The following AP4E1 variants were observed in gnomAD, a reference collection of about 807,000 sequenced individuals.
The protein encoded by AP4E1 is AP-4 complex subunit epsilon-1.
In AP4E1, 56 loss-of-function variants were observed where a neutral mutation model predicts 128.2. The ratio of observed to expected loss-of-function variants is 0.44; its 90% CI spans 0.35 to 0.55. The LOEUF (loss-of-function observed/expected upper bound fraction) is 0.55, where lower values mean the gene tolerates loss of function less well. Among genes scored for constraint, AP4E1 ranks in the 20% least tolerant of loss-of-function variants. The pLI is 0.00. For missense variants in AP4E1, 1,324 were observed against 1,307.7 expected (o/e 1.01, Z -0.19); for synonymous variants, 484 against 473.1 (o/e 1.02, Z -0.30).
At chr15:50,921,191 C>T (rs1199123010) in intron 3 of AP4E1, among the ~76,000 whole-genome samples, 4 of 151,376 alleles carry the variant, frequency 2.6e-5, no homozygotes, top group Admixed American at 2.0e-4. Flanking sequence ...GGTCTTGCTA[C>T]GTTAGCCAGG....
intron 7 of AP4E1, among the ~76,000 whole-genome samples, chr15:50,931,491 A>C (rs1475048566): frequency 6.6e-6 from 1 of 152,134 alleles, no homozygotes; most frequent in East Asian, 1.9e-4. Flanking sequence ...ACTTGAACCC[A>C]GGAGGTGTAG....
Position 50,925,037 on chromosome 15 carries a change from A to G in AP4E1, c.421-61A>G, listed in dbSNP as rs571805160. On this transcript the variant is annotated intron_variant, in intron 4 of 20. Transcript: ENST00000261842. ...GTATATAGGACCATTACAGTGTTGA[A>G]TTTGCCATTCCTAGTTTCAGTATTT... The G allele has an allele frequency of 1.0e-5, 16 of 1,603,210 alleles. No individual in the cohort carries two copies. In the East Asian group the frequency reaches 3.6e-4, roughly 36 times the overall value.
intron 14 of AP4E1, 83 bp from the exon 15 acceptor site, chr15:50,968,180 T>C (rs779752498): frequency 2.6e-5 from 24 of 938,014 alleles, no homozygotes; most frequent in Admixed American, 9.4e-5. Flanking sequence ...AAAATATATA[T>C]GGGCTGAAAT....
intron 14 of AP4E1, among the ~76,000 whole-genome samples, chr15:50,964,164 T>A (rs2064356234): frequency 6.6e-6 from 1 of 152,240 alleles, no homozygotes; most frequent in African/African-American, 2.4e-5. Context: ...TGTTGTCTCA[T>A]ATGTCATGTA....
chr15:50,917,513 A>G (rs1264105744), intron 3 of AP4E1, among the ~76,000 whole-genome samples: 3 of 152,094 alleles, frequency 2.0e-5, no homozygotes, highest in African/African-American at 4.8e-5. Context: ...AGAGGTATCT[A>G]TTTTGTTAAA....
intron 8 of AP4E1, among the ~76,000 whole-genome samples, chr15:50,940,710 A>G (rs1443344450): frequency 1.3e-5 from 2 of 152,082 alleles, no homozygotes; most frequent in African/African-American, 2.4e-5. Context: ...CAACCGCATG[A>G]CTCATGCTTT....
rs375161140 is a variant in AP4E1 at position 50,911,213 on chromosome 15, G to C, written c.151-865G>C. Among the ~76,000 whole-genome samples the C allele has an allele frequency of 1.0e-3, 156 of 152,230 alleles. 4 individuals are homozygous for C. The South Asian group carries it at 0.031, about 31-fold the overall frequency. Reference sequence around the variant, plus strand: ...AAAAAATGGGGCCAATTTTTTAAGTGCTTAGGGAGATAACATACAATGCAG... The same window carrying C: ...AAAAAATGGGGCCAATTTTTTAAGTCCTTAGGGAGATAACATACAATGCAG... On this transcript the variant is annotated intron_variant, in intron 1 of 20. Transcript: ENST00000261842.
intron 8 of AP4E1, 67 bp from the exon 9 acceptor site, chr15:50,941,375 C>A: frequency 6.5e-7 from 1 of 1,546,072 alleles, no homozygotes; most frequent in Non-Finnish European, 8.9e-7. Context: ...ATTACAAGTT[C>A]TACACAAATA....
chr15:50,924,921 T>C (rs745486071), intron 4 of AP4E1, among the ~76,000 whole-genome samples, 177 bp from the exon 5 acceptor site: 2 of 152,208 alleles, frequency 1.3e-5, no homozygotes, highest in Non-Finnish European at 2.9e-5. Context: ...ACTGACTCTA[T>C]TAAGGCAAAT....
intron 12 of AP4E1, 47 bp downstream of exon 12, chr15:50,949,985 TG>T: frequency 6.3e-7 from 1 of 1,593,038 alleles, no homozygotes; most frequent in Non-Finnish European, 8.6e-7. Flanking sequence ...TAAAGTTTAA[TG>T]TTTTTATTAC....
At chr15:50,982,538 A>T (rs2064658062) in intron 15 of AP4E1, among the ~76,000 whole-genome samples, 1 of 152,196 alleles carries the variant, frequency 6.6e-6, no homozygotes, top group Non-Finnish European at 1.5e-5. Flanking sequence ...GATTCAGTGA[A>T]GTAAGCTTGA....
At chr15:50,908,985 G>T in intron 1 of AP4E1, 57 bp downstream of exon 1, 1 of 1,601,746 alleles carries the variant, frequency 6.2e-7, no homozygotes, top group South Asian at 1.1e-5. Flanking sequence ...CCCGCGCCAG[G>T]AGGCCCTGGC....
chr15:50,999,039 C>T (rs767882140), intron 18 of AP4E1, 33 bp from the exon 19 acceptor site: 2 of 1,604,456 alleles, frequency 1.2e-6, no homozygotes, highest in East Asian at 4.5e-5. Flanking sequence ...TGATCCCTTC[C>T]TTCTTCAACA....
intron 16 of AP4E1, among the ~76,000 whole-genome samples, chr15:50,984,877 C>T (rs1258728734): frequency 2.0e-5 from 3 of 152,030 alleles, no homozygotes; most frequent in African/African-American, 4.8e-5. Context: ...CTTGAGGAAT[C>T]ACCACACTGT....
chr15:50,958,544 T>G lies in AP4E1; in HGVS notation c.1601T>G (p.Ile534Arg). 2 of 1,613,954 alleles carry G rather than the reference T, an allele frequency of 1.2e-6. No homozygotes were observed. Among genetic ancestry groups the G allele is most frequent in the Non-Finnish European group, 1.7e-6 (2 of 1,179,964 alleles). Residue 534 changes from isoleucine (I) to arginine (R), a missense_variant, in exon 14 of 21, where the codon ATA becomes AGA. Ile to Arg is a moderately conservative substitution (Grantham distance 97). Transcript: ENST00000261842. Reference sequence around the variant, plus strand: ...GATAAGGAAACGCCAGAGGAAGTTATAGCTAAGCTCTACAAGTTACTTATG... The same window carrying G: ...GATAAGGAAACGCCAGAGGAAGTTAGAGCTAAGCTCTACAAGTTACTTATG... ...LLDKETPEEV[I>R]AKLYKLLMND...
chr15:50,925,654 G>A (rs1366998530), intron 5 of AP4E1, among the ~76,000 whole-genome samples: 1 of 143,442 alleles, frequency 7.0e-6, no homozygotes, highest in African/African-American at 2.6e-5. Context: ...TTTTGAGACA[G>A]AGTCTCACTC....
At chr15:50,916,751 A>G (rs1509423) in intron 3 of AP4E1, among the ~76,000 whole-genome samples, 92,076 of 151,920 alleles carry the variant, frequency 0.61, 28,087 homozygotes, top group Non-Finnish European at 0.63. Flanking sequence ...ATGTCCTTTA[A>G]CATTCTCTTT....
intron 2 of AP4E1, among the ~76,000 whole-genome samples, 179 bp downstream of exon 2, chr15:50,912,328 C>G (rs1363492959): frequency 6.6e-6 from 1 of 152,132 alleles, no homozygotes; most frequent in Non-Finnish European, 1.5e-5. Flanking sequence ...TGGTTTGCAC[C>G]AGAACAAGAT....
intron 15 of AP4E1, among the ~76,000 whole-genome samples, chr15:50,980,121 T>C (rs994179610): frequency 6.6e-6 from 1 of 152,218 alleles, no homozygotes; most frequent in Non-Finnish European, 1.5e-5. Flanking sequence ...AGAAAGTTGT[T>C]AGAAATATGG....
Sources: allele counts gnomAD v4.1 joint callset (sites outside exome capture counted in the v4.1 genomes callset), GRCh38; gene constraint gnomAD v4.1.1; transcripts MANE v1.5; gene names NCBI Gene and HGNC (gene_info 2026-07-23, HGNC 2026-07-21).